DPP10: variants seen among roughly 807,000 people sequenced by gnomAD.
DPP10 encodes the protein dipeptidyl peptidase like 10, also known as inactive dipeptidyl peptidase 10.
Under a neutral mutation model 120.9 loss-of-function variants are expected in DPP10, and 33 were observed. The ratio of observed to expected loss-of-function variants is 0.27; its 90% CI spans 0.21 to 0.37. The LOEUF is 0.37. Among genes scored for constraint, DPP10 ranks in the 10% least tolerant of loss-of-function variants. The pLI, the probability that DPP10 is intolerant of heterozygous loss-of-function variation, is 1.00. For missense variants in DPP10, 816 were observed against 942.8 expected (o/e 0.87, Z 1.76); for synonymous variants, 337 against 326.1 (o/e 1.03, Z -0.36).
chr2:115,426,130 G>A (rs554628147), intron 3 of DPP10, among the ~76,000 whole-genome samples: 1 of 29,890 alleles, frequency 3.3e-5, no homozygotes, highest in South Asian at 2.0e-3. Context: ...TTCTCACCAG[G>A]TGCCACCTCC....
At chr2:115,813,735 G>T (rs79756146) in intron 19 of DPP10, among the ~76,000 whole-genome samples, 2,774 of 152,244 alleles carry the variant, frequency 0.018, 85 homozygotes, top group African/African-American at 0.061. Context: ...TTTGCTGTAG[G>T]AAATCTGATA....
At chr2:114,967,889 C>T (rs1437734128) in intron 1 of DPP10, among the ~76,000 whole-genome samples, 6 of 152,074 alleles carry the variant, frequency 3.9e-5, no homozygotes, top group Non-Finnish European at 7.4e-5. Flanking sequence ...ATGAGCATCA[C>T]TTGGGGGCTT....
intron 1 of DPP10, among the ~76,000 whole-genome samples, chr2:115,227,262 A>T (rs895902592): frequency 4.6e-5 from 7 of 152,142 alleles, no homozygotes; most frequent in Non-Finnish European, 8.8e-5. Flanking sequence ...GATTCTAGGG[A>T]CTTACAGACT....
At chr2:115,234,604 C>T (rs1435426323) in intron 1 of DPP10, 2 of 152,202 alleles carry the variant, frequency 1.3e-5, no homozygotes, top group Non-Finnish European at 2.9e-5. Context: ...GTTAATACGG[C>T]GTGCCACCTT....
intron 3 of DPP10, among the ~76,000 whole-genome samples, chr2:115,444,370 G>A (rs1242998704): frequency 6.6e-6 from 1 of 152,182 alleles, no homozygotes; most frequent in Non-Finnish European, 1.5e-5. Flanking sequence ...TCAGGCACCT[G>A]CACTTTCCAA....
chr2:115,108,749 G>A (rs1012327766), intron 1 of DPP10, among the ~76,000 whole-genome samples: 3 of 152,158 alleles, frequency 2.0e-5, no homozygotes, highest in African/African-American at 4.8e-5. Flanking sequence ...TTACCTGCTT[G>A]CAGGTCCTGA....
At chr2:115,205,552 G>T (rs1021175440) in intron 1 of DPP10, among the ~76,000 whole-genome samples, 1 of 152,046 alleles carries the variant, frequency 6.6e-6, no homozygotes, top group Admixed American at 6.6e-5. Flanking sequence ...AAAATAATTT[G>T]CTCTACCAAA....
At chr2:115,160,770 G>T (rs1334280217) in intron 1 of DPP10, among the ~76,000 whole-genome samples, 1 of 152,154 alleles carries the variant, frequency 6.6e-6, no homozygotes, top group Non-Finnish European at 1.5e-5. Flanking sequence ...AACTTCCTAA[G>T]AGCTACATTG....
chr2:114,641,602 T>C (rs971630210), intron 1 of DPP10, among the ~76,000 whole-genome samples: 4 of 152,012 alleles, frequency 2.6e-5, no homozygotes, highest in Non-Finnish European at 4.4e-5. Context: ...TTAACTGATT[T>C]ATAAGGATTC....
intron 2 of DPP10, among the ~76,000 whole-genome samples, chr2:115,316,087 C>G (rs2061778124): frequency 6.6e-6 from 1 of 152,072 alleles, no homozygotes; most frequent in Non-Finnish European, 1.5e-5. Flanking sequence ...AGAAGAGAAC[C>G]TATAAACATT....
intron 1 of DPP10, among the ~76,000 whole-genome samples, chr2:115,244,232 A>ATG (rs2058421443): frequency 1.1e-4 from 4 of 35,910 alleles, no homozygotes; most frequent in Admixed American, 2.7e-4. Flanking sequence ...ATATATATAT[A>ATG]TATATATAGA....
At chr2:115,083,500 A>T (rs1708444638) in intron 1 of DPP10, among the ~76,000 whole-genome samples, 1 of 152,030 alleles carries the variant, frequency 6.6e-6, no homozygotes, top group Non-Finnish European at 1.5e-5. Context: ...GGCATAACAC[A>T]TGCCTCCCTC....
chr2:115,362,261 A>G (rs2064828165), intron 3 of DPP10, among the ~76,000 whole-genome samples: 2 of 152,172 alleles, frequency 1.3e-5, no homozygotes, highest in African/African-American at 4.8e-5. Context: ...AAGATTCTAT[A>G]TGGTAAGTTA....
rs376842058 is a variant in DPP10 at position 115,347,169 on chromosome 2, T to C, written c.271+3257T>C. 1.4e-4 allele frequency among the ~76,000 whole-genome samples: 22 copies of C among 152,242 alleles called. No individual in the cohort carries two copies. The South Asian group carries it at 4.4e-3, about 30-fold the overall frequency. On this transcript the variant is annotated intron_variant, in intron 3 of 25. Coordinates refer to ENST00000410059, the MANE Select transcript of DPP10 (RefSeq NM_020868.6). ...CAAAGGCCTAGGGAAAACTGTCCAT[T>C]TGTATGCTTAGGTTAAATAAAGTAC...
chr2:115,788,033 A>C (rs1297581315), intron 17 of DPP10, among the ~76,000 whole-genome samples: 1 of 152,170 alleles, frequency 6.6e-6, no homozygotes, highest in Non-Finnish European at 1.5e-5. Context: ...AGAAAGTTTC[A>C]ATAATAAAAG....
At chr2:115,653,616 G>A (rs964001868) in intron 5 of DPP10, among the ~76,000 whole-genome samples, 2 of 151,892 alleles carry the variant, frequency 1.3e-5, no homozygotes, top group South Asian at 2.1e-4. Flanking sequence ...ATAATTTTCC[G>A]GAAACACAAT....
chr2:115,103,378 C>T (rs541738995), intron 1 of DPP10, among the ~76,000 whole-genome samples: 2 of 152,048 alleles, frequency 1.3e-5, no homozygotes, highest in African/African-American at 4.8e-5. Context: ...TTAGTACAGG[C>T]GGGGTTTCAC....
intron 21 of DPP10, among the ~76,000 whole-genome samples, chr2:115,829,707 G>A (rs1426576756): frequency 6.6e-6 from 1 of 151,758 alleles, no homozygotes; most frequent in East Asian, 1.9e-4. Flanking sequence ...CTTAAAATAT[G>A]CCAAATCTCT....
Position 115,815,410 on chromosome 2 carries a change from C to A in DPP10, c.1896-265C>A, listed in dbSNP as rs575771767. On this transcript the variant is annotated intron_variant, in intron 20 of 25. Coordinates refer to ENST00000410059, the MANE Select transcript of DPP10 (RefSeq NM_020868.6). ...CACAGAAACCAGATATGATATTGTT[C>A]AAATGTAGATGTTGATTCAGTAGGC... Among the ~76,000 whole-genome samples the A allele has an allele frequency of 2.0e-5, 3 of 152,240 alleles. No homozygotes were observed. The South Asian group carries it at 6.2e-4, about 32-fold the overall frequency.
Sources: gnomAD v4.1 joint callset for allele counts (sites outside exome capture counted in the v4.1 genomes callset) on GRCh38, gnomAD v4.1.1 for gene constraint, MANE v1.5 for transcripts, NCBI Gene and HGNC (gene_info 2026-07-23, HGNC 2026-07-21) for gene names.